GBE1: variants seen among roughly 807,000 people sequenced by gnomAD.
GBE1 encodes 1,4-alpha-glucan-branching enzyme.
In GBE1, 70 loss-of-function variants were observed where a neutral mutation model predicts 88.8. That is an observed-to-expected ratio of 0.79 (90% CI 0.65 to 0.96). The LOEUF is 0.96. Ranked by LOEUF, GBE1 falls within the 40% of genes least tolerant of loss-of-function variation. The probability of loss-of-function intolerance (pLI) is 0.00; values close to 1 mark genes in which losing one functional copy is unlikely to be tolerated. For synonymous variants in GBE1, 284 were observed against 300.1 expected (o/e 0.95, Z 0.56); for missense variants, 872 against 871.0 (o/e 1.00, Z -0.01).
chr3:81,548,517 T>G lies in GBE1; in HGVS notation c.1619-11422A>C, dbSNP rs745914059. On this transcript the variant is annotated intron_variant, in intron 12 of 15. Transcript: ENST00000429644. ...CTCCTCTAATTCTAATAGGACTTAG[T>G]GTATGTTATTATAATTGTTACATAA... 2.3e-4 allele frequency among the ~76,000 whole-genome samples: 35 copies of G among 151,312 alleles called. 4 individuals carry two copies. The highest frequency in any genetic ancestry group is 4.0e-4 in the Admixed American group (6 of 15,182).
intron 1 of GBE1, among the ~76,000 whole-genome samples, chr3:81,711,987 C>A (rs1208999075): frequency 6.6e-6 from 1 of 152,118 alleles, no homozygotes; most frequent in Admixed American, 6.5e-5. Context: ...AAGAAGTGGG[C>A]GAAGGATATG....
intron 1 of GBE1, among the ~76,000 whole-genome samples, chr3:81,757,829 G>A (rs891860725): frequency 6.6e-6 from 1 of 152,222 alleles, no homozygotes; most frequent in African/African-American, 2.4e-5. Flanking sequence ...GGAGACAGAT[G>A]TGGGCAGCCT....
At chr3:81,506,746 G>A (rs746918180) in intron 14 of GBE1, among the ~76,000 whole-genome samples, 1 of 152,150 alleles carries the variant, frequency 6.6e-6, no homozygotes, top group Non-Finnish European at 1.5e-5. Flanking sequence ...CTATTAAAAA[G>A]CATGAGATCA....
intron 12 of GBE1, among the ~76,000 whole-genome samples, chr3:81,546,397 C>A (rs547664489): frequency 5.9e-5 from 9 of 152,272 alleles, no homozygotes; most frequent in Admixed American, 1.3e-4. Flanking sequence ...GGTGTCTGAA[C>A]CACAGCAACT....
intron 1 of GBE1, among the ~76,000 whole-genome samples, chr3:81,722,340 C>G (rs567149862): frequency 1.3e-5 from 2 of 152,128 alleles, no homozygotes; most frequent in African/African-American, 4.8e-5. Flanking sequence ...TGGATGTATA[C>G]TAATATATAG....
chr3:81,674,031 A>C (rs1705222791), intron 2 of GBE1, among the ~76,000 whole-genome samples: 1 of 151,900 alleles, frequency 6.6e-6, no homozygotes, highest in African/African-American at 2.4e-5. Context: ...TATATGTATG[A>C]AACTATTTAA....
At chr3:81,709,943 A>G (rs1705834596) in intron 1 of GBE1, among the ~76,000 whole-genome samples, 1 of 152,214 alleles carries the variant, frequency 6.6e-6, no homozygotes, top group Admixed American at 6.5e-5. Flanking sequence ...AACCAAGAAC[A>G]TAAAATGAAA....
intron 12 of GBE1, among the ~76,000 whole-genome samples, chr3:81,539,961 A>G (rs1489811804): frequency 6.6e-6 from 1 of 151,978 alleles, no homozygotes; most frequent in Admixed American, 6.6e-5. Context: ...AGCAAAGATA[A>G]TGAGAGCCAC....
chr3:81,518,443 AT>A (rs1158759270), intron 14 of GBE1, among the ~76,000 whole-genome samples: 4 of 151,514 alleles, frequency 2.6e-5, no homozygotes, highest in Non-Finnish European at 5.9e-5. Context: ...TCTTATGAAT[AT>A]ATATTAAGGC....
intron 8 of GBE1, 48 bp downstream of exon 8, chr3:81,593,860 T>C: frequency 1.1e-6 from 1 of 871,654 alleles, no homozygotes. Context: ...TAATGGCTAT[T>C]GCAGCTTCTG....
intron 2 of GBE1, among the ~76,000 whole-genome samples, chr3:81,682,157 T>G (rs551257897): frequency 6.6e-6 from 1 of 152,248 alleles, no homozygotes; most frequent in South Asian, 2.1e-4. Context: ...AAATGGACAA[T>G]AAGCATACAA....
chr3:81,628,780 T>TATATATATATATATATATAA, intron 7 of GBE1, among the ~76,000 whole-genome samples: 1 of 128,296 alleles, frequency 7.8e-6, no homozygotes, highest in Non-Finnish European at 1.7e-5. Flanking sequence ...TATATATATA[T>TATATATATATATATATATAA]ATAGCAACAG....
At chr3:81,742,351 G>A (rs1477432223) in intron 1 of GBE1, among the ~76,000 whole-genome samples, 1 of 151,940 alleles carries the variant, frequency 6.6e-6, no homozygotes, top group Non-Finnish European at 1.5e-5. Flanking sequence ...AAAATGCTAT[G>A]AACAACTTTA....
intron 12 of GBE1, among the ~76,000 whole-genome samples, chr3:81,568,062 T>A (rs1156730600): frequency 6.6e-6 from 1 of 152,212 alleles, no homozygotes; most frequent in Non-Finnish European, 1.5e-5. Flanking sequence ...GAACATTCTG[T>A]AACCTCTCTT....
intron 12 of GBE1, among the ~76,000 whole-genome samples, chr3:81,573,871 C>T (rs936365565): frequency 6.6e-6 from 1 of 151,852 alleles, no homozygotes; most frequent in Non-Finnish European, 1.5e-5. Context: ...TATATACACA[C>T]ATAATTATAT....
chr3:81,674,130 A>G (rs1413821902), intron 2 of GBE1, among the ~76,000 whole-genome samples: 1 of 151,792 alleles, frequency 6.6e-6, no homozygotes, highest in Non-Finnish European at 1.5e-5. Flanking sequence ...CTCTTTCTCC[A>G]ATCATTGCTA....
At chr3:81,565,841 T>C (rs1703485785) in intron 12 of GBE1, among the ~76,000 whole-genome samples, 1 of 152,170 alleles carries the variant, frequency 6.6e-6, no homozygotes, top group African/African-American at 2.4e-5. Context: ...AATACTTTGT[T>C]CTCTATTGCC....
chr3:81,592,080 G>C (rs1298086501), intron 8 of GBE1, among the ~76,000 whole-genome samples: 1 of 151,980 alleles, frequency 6.6e-6, no homozygotes, highest in South Asian at 2.1e-4. Context: ...CATACATTGT[G>C]TACTGATTAC....
chr3:81,634,649 G>T (rs552683543), intron 7 of GBE1, among the ~76,000 whole-genome samples: 46 of 151,598 alleles, frequency 3.0e-4, no homozygotes, highest in Non-Finnish European at 5.0e-4. Flanking sequence ...AGAGACAGGG[G>T]GAAAAAAGAG....
Sources: allele counts gnomAD v4.1 joint callset (sites outside exome capture counted in the v4.1 genomes callset), GRCh38; gene constraint gnomAD v4.1.1; transcripts MANE v1.5; gene names NCBI Gene and HGNC (gene_info 2026-07-23, HGNC 2026-07-21).